The following NBPF26 variants were observed in gnomAD, a reference collection of about 807,000 sequenced individuals.
NBPF26 encodes NBPF member 26.
NBPF26 carries 79 observed loss-of-function variants against 119.6 expected under a neutral mutation model. The observed-to-expected ratio is 0.66, with a 90% CI of 0.55 to 0.80. The LOEUF (loss-of-function observed/expected upper bound fraction) is 0.80. Among genes scored for constraint, NBPF26 ranks in the 30% least tolerant of loss-of-function variants. The pLI, the probability that NBPF26 is intolerant of heterozygous loss-of-function variation, is 0.00. For missense variants in NBPF26, 800 were observed against 1,198.2 expected, an observed-to-expected ratio of 0.67 and a Z score of 4.91; for synonymous variants, 299 against 457.7, an observed-to-expected ratio of 0.65 and a Z score of 4.43.
intron 10 of NBPF26, among the ~76,000 whole-genome samples, chr1:120,813,500 T>A (rs1651927525): frequency 7.9e-6 from 1 of 127,194 alleles, no homozygotes; most frequent in Non-Finnish European, 1.6e-5. Flanking sequence ...AGTCCCATAG[T>A]CCTAGGGGCT....
At chr1:120,831,706 A>T (rs1312088181) in intron 21 of NBPF26, among the ~76,000 whole-genome samples, 1 of 12,096 alleles carries the variant, frequency 8.3e-5, no homozygotes, top group African/African-American at 2.0e-4. Context: ...CTCCCTCATC[A>T]GTGTGTCACC....
intron 1 of NBPF26, among the ~76,000 whole-genome samples, chr1:120,726,979 G>A (rs1209232994): frequency 8.7e-6 from 1 of 114,586 alleles, no homozygotes; most frequent in Non-Finnish European, 1.7e-5. Context: ...AAATTCAGTG[G>A]GATATGCTTG....
chr1:120,811,494 G>C lies in NBPF26; in HGVS notation c.1565-392G>C, dbSNP rs1651864782. On this transcript the variant is annotated intron_variant, in intron 9 of 29. Transcript: ENST00000620612. ...CGGGCGGCAGAGGTGGCAGTGAGCTGAGATTGTGCCTCTGCACTGCAGCCT... is the reference window on the plus strand; with the variant it reads ...CGGGCGGCAGAGGTGGCAGTGAGCTCAGATTGTGCCTCTGCACTGCAGCCT... 1.8e-5 allele frequency among the ~76,000 whole-genome samples: 2 copies of C among 112,790 alleles called. 1 individual carries two copies. The highest frequency in any genetic ancestry group is 1.0e-4 in the African/African-American group (2 of 19,464). 74.0% of individuals were successfully genotyped at this position (112,790 alleles called of 152,430 possible).
At chr1:120,770,240 G>T (rs1407261174) in intron 2 of NBPF26, among the ~76,000 whole-genome samples, 1 of 103,332 alleles carries the variant, frequency 9.7e-6, no homozygotes, top group East Asian at 2.2e-4. Context: ...CGCTTTCTTG[G>T]CTCACTGCAA....
chr1:120,805,152 T>C (rs1267160487), intron 4 of NBPF26, among the ~76,000 whole-genome samples: 1 of 120,978 alleles, frequency 8.3e-6, no homozygotes, highest in African/African-American at 4.4e-5. Flanking sequence ...ATACTGAGAG[T>C]GAATGCTGAA....
At chr1:120,729,618 C>T (rs1650854575) in intron 1 of NBPF26, among the ~76,000 whole-genome samples, 1 of 119,564 alleles carries the variant, frequency 8.4e-6, no homozygotes, top group Non-Finnish European at 1.6e-5. Flanking sequence ...GGGGTGATTG[C>T]TCAGGTAAAG....
chr1:120,807,006 T>G lies in NBPF26; in HGVS notation c.962-601T>G, dbSNP rs1270398648. 7.4e-4 allele frequency among the ~76,000 whole-genome samples: 96 copies of G among 129,676 alleles called. 8 individuals carry two copies. The highest frequency in any genetic ancestry group is 3.7e-3 in the Middle Eastern group (1 of 270). The allele number at this position is 129,676 out of a possible 152,430, so 85.1% of individuals were successfully genotyped here. On this transcript the variant is annotated intron_variant, in intron 5 of 29. Transcript: ENST00000620612. Reference sequence around the variant, plus strand: ...TATGCTGTTTCTAAATTAACACAACTAATCTAAATCTTAATGCTGCCTCTC... The same window carrying G: ...TATGCTGTTTCTAAATTAACACAACGAATCTAAATCTTAATGCTGCCTCTC...
rs1652017264 is a variant in NBPF26 at position 120,816,806 on chromosome 1, G to T, written c.2350G>T (p.Asp784Tyr). Residue 784 changes from aspartate to tyrosine, a missense_variant, in exon 14 of 30, where the codon GAT becomes TAT. Physicochemically the swap from Asp to Tyr is radical, Grantham distance 160 (BLOSUM62 -3). Transcript: ENST00000620612. ...CTCATCCTCTCATGTTGAATGGGAG[G>T]ATGCTGTACACATTATTCCAGGTAG... 3 of 1,442,540 alleles carry T rather than the reference G, an allele frequency of 2.1e-6. 1 individual carries two copies. The highest frequency in any genetic ancestry group is 9.3e-7 in the Non-Finnish European group (1 of 1,079,308). The allele number at this position is 1,442,540 out of a possible 1,614,324, so 89.4% of individuals were successfully genotyped here. A position where few individuals can be genotyped will look rare whatever the true frequency, so the allele number is the denominator to read the frequency against.
intron 17 of NBPF26, among the ~76,000 whole-genome samples, chr1:120,823,676 G>C (rs1246859776): frequency 8.2e-6 from 1 of 122,522 alleles, no homozygotes; most frequent in Non-Finnish European, 1.7e-5. Context: ...TTCACTGTGT[G>C]TCCTGAGAGC....
At position 120,806,376 on chromosome 1, in the gene NBPF26, CGAGGTCAGCAGTTTGA is replaced by C. The variant is rs1440963485; in HGVS notation, c.961+614_961+629del. On this transcript the variant is annotated intron_variant, in intron 5 of 29. Transcript: ENST00000620612. ...TTGGGAGGCTGAGGCGGGCAGAGCA[CGAGGTCAGCAGTTTGA>C]GACTAGCCTGGGCAACATGGAGAAA... 1.2e-4 allele frequency among the ~76,000 whole-genome samples: 13 copies of C among 107,746 alleles called. 1 individual carries two copies. The highest frequency in any genetic ancestry group is 6.4e-4 in the Admixed American group (7 of 10,860). 70.7% of individuals were successfully genotyped at this position (107,746 alleles called of 152,430 possible). A position where few individuals can be genotyped will look rare whatever the true frequency, so the allele number is the denominator to read the frequency against.
At chr1:120,790,765 A>T (rs1198391055) in intron 3 of NBPF26, among the ~76,000 whole-genome samples, 6 of 107,704 alleles carry the variant, frequency 5.6e-5, no homozygotes, top group Admixed American at 4.6e-4. Flanking sequence ...AAGCCCGGCT[A>T]ATTTTTGTAT....
At chr1:120,801,583 A>G (rs1571031635) in intron 4 of NBPF26, among the ~76,000 whole-genome samples, 1 of 99,550 alleles carries the variant, frequency 1.0e-5, no homozygotes, top group Non-Finnish European at 1.8e-5. Flanking sequence ...TAATCCCAGC[A>G]CTTTTGGAGG....
rs1314972511 is a variant in NBPF26, at chr1:120,743,685, G to A, written c.73+19435G>A. On this transcript the variant is annotated intron_variant, in intron 1 of 29. Coordinates refer to ENST00000620612, the Ensembl canonical transcript of NBPF26. ...TAACTTTGGTGCAAAGTTGCTGCATGCAGATTGGCTGTGGGACCTTGTTCA... is the reference window on the plus strand; with the variant it reads ...TAACTTTGGTGCAAAGTTGCTGCATACAGATTGGCTGTGGGACCTTGTTCA... Among the ~76,000 whole-genome samples the A allele has an allele frequency of 4.0e-5, 4 of 98,978 alleles. 1 individual carries two copies. In the East Asian group the frequency reaches 1.1e-3, roughly 27 times the overall value. The allele number at this position is 98,978 out of a possible 152,430, so 64.9% of individuals were successfully genotyped here.
chr1:120,729,663 C>T (rs1292908893), intron 1 of NBPF26, among the ~76,000 whole-genome samples: 3 of 118,892 alleles, frequency 2.5e-5, no homozygotes, highest in African/African-American at 9.5e-5. Flanking sequence ...CCTCCCTGCA[C>T]AGGTGGGCAC....
At chr1:120,807,066 G>A (rs1372622555) in intron 5 of NBPF26, among the ~76,000 whole-genome samples, 1 of 130,368 alleles carries the variant, frequency 7.7e-6, no homozygotes, top group Non-Finnish European at 1.6e-5. Flanking sequence ...TTTCCTTCAT[G>A]GCCTTATTGT....
At position 120,805,557 on chromosome 1, in the gene NBPF26, C is replaced by T. The variant is rs1553269681; in HGVS notation, c.753C>T (p.Val251=). Residue 251 remains valine, a splice_region_variant and synonymous_variant, in exon 5 of 30, where the codon GTC becomes GTT. Transcript: ENST00000620612. ...TATGTTTGGGTTTCTTCTCCCCAGT[C>T]CCTGACTCCACCTCTTCTGCCACAA... 36 of 1,388,440 alleles carry T rather than the reference C, an allele frequency of 2.6e-5. 11 individuals are homozygous for T. In the African/African-American group the frequency reaches 6.5e-4, roughly 25 times the overall value. 86.0% of individuals were successfully genotyped at this position (1,388,440 alleles called of 1,614,324 possible).
At chr1:120,801,521 T>TAA (rs1193360933) in intron 4 of NBPF26, among the ~76,000 whole-genome samples, 87 of 61,036 alleles carry the variant, frequency 1.4e-3, no homozygotes, top group African/African-American at 5.1e-3. Flanking sequence ...GTATTTTCAT[T>TAA]AAAAAAAAAA....
exon 10 of NBPF26, chr1:120,811,910 C>G (rs1651878146): frequency 8.4e-6 from 9 of 1,072,672 alleles, no homozygotes; most frequent in Non-Finnish European, 1.1e-5. Flanking sequence ...TCTTCTGCCA[C>G]AAACGTCAGC....
At chr1:120,810,229 C>T (rs1212063805) in intron 8 of NBPF26, 118 bp from the exon 9 acceptor site, 16 of 1,243,122 alleles carry the variant, frequency 1.3e-5, no homozygotes, top group Admixed American at 5.9e-5. Flanking sequence ...AGGGAACCTC[C>T]GTTTTGCTTT....
Sources: gnomAD v4.1 joint callset for allele counts (sites outside exome capture counted in the v4.1 genomes callset) on GRCh38, gnomAD v4.1.1 for gene constraint, MANE v1.5 for transcripts, NCBI Gene and HGNC (gene_info 2026-07-23, HGNC 2026-07-21) for gene names.